The following QTGAL variants were observed in gnomAD, a reference collection of about 807,000 sequenced individuals.
QTGAL encodes BGnT-like protein 1.
At chr17:82,988,828 C>CTT in the QTGAL span, among the ~76,000 whole-genome samples, 1 of 152,050 alleles carries the variant, frequency 6.6e-6, no homozygotes, top group Non-Finnish European at 1.5e-5. Context: ...GTCAGAATGG[C>CTT]GATTTTTTAA....
the QTGAL span, among the ~76,000 whole-genome samples, chr17:82,961,604 C>T: frequency 6.6e-6 from 1 of 152,190 alleles, no homozygotes; most frequent in Non-Finnish European, 1.5e-5. Flanking sequence ...CTCAAAGTGC[C>T]GACTGTGGGC....
the QTGAL span, among the ~76,000 whole-genome samples, chr17:83,017,475 T>C: frequency 5.6e-4 from 85 of 151,658 alleles, no homozygotes; most frequent in Non-Finnish European, 1.2e-3. Context: ...AAAAAAAAAT[T>C]CACCGAGTAT....
the QTGAL span, chr17:82,946,885 G>A: frequency 6.3e-5 from 98 of 1,553,968 alleles, no homozygotes; most frequent in Non-Finnish European, 8.5e-5. Flanking sequence ...CCACCTGGGA[G>A]CAGCTGCCAT....
At chr17:82,969,279 C>T in the QTGAL span, among the ~76,000 whole-genome samples, 1 of 146,384 alleles carries the variant, frequency 6.8e-6, no homozygotes, top group Non-Finnish European at 1.5e-5. Flanking sequence ...TGTGCCTCGG[C>T]CATCGGAGTA....
chr17:83,013,845 T>C, the QTGAL span, among the ~76,000 whole-genome samples: 1 of 152,128 alleles, frequency 6.6e-6, no homozygotes. Flanking sequence ...CTTCTAAAAC[T>C]TGAGCGAGAT....
At chr17:82,963,509 T>C in the QTGAL span, among the ~76,000 whole-genome samples, 2 of 152,048 alleles carry the variant, frequency 1.3e-5, no homozygotes, top group African/African-American at 2.4e-5. Flanking sequence ...CCCTCTACAA[T>C]AGCAACAAAC....
At chr17:82,945,878 A>T in the QTGAL span, 10 of 152,264 alleles carry the variant, frequency 6.6e-5, no homozygotes, top group Non-Finnish European at 1.5e-4. Flanking sequence ...AGGAATGTGG[A>T]GCAAGGGAAG....
chr17:82,985,411 G>A, the QTGAL span, among the ~76,000 whole-genome samples: 1 of 152,170 alleles, frequency 6.6e-6, no homozygotes, highest in Non-Finnish European at 1.5e-5. Context: ...TCTCTTCTTT[G>A]AACTTCACAC....
At chr17:82,948,884 C>G in the QTGAL span, 1 of 152,328 alleles carries the variant, frequency 6.6e-6, no homozygotes, top group African/African-American at 2.4e-5. Flanking sequence ...TTAAATTTCA[C>G]AACCAGGAGT....
chr17:82,942,810 G>C, the QTGAL span: 1 of 399,150 alleles, frequency 2.5e-6, no homozygotes, highest in South Asian at 3.5e-5. Flanking sequence ...CCTGCCTGGA[G>C]ACCAGGCCCC....
the QTGAL span, among the ~76,000 whole-genome samples, chr17:82,983,006 C>T: frequency 5.3e-5 from 8 of 152,256 alleles, no homozygotes; most frequent in Admixed American, 1.3e-4. Flanking sequence ...TTTGGCTGGG[C>T]GCAGTGGCTC....
At chr17:83,005,477 C>T in the QTGAL span, 45 of 658,482 alleles carry the variant, frequency 6.8e-5, no homozygotes, top group Non-Finnish European at 1.2e-4. The surrounding 1 kb of genome is among the most constrained non-coding windows in gnomAD (Gnocchi z 5.6). Context: ...ACAGAGCTGC[C>T]CTGGGCTGGA....
At chr17:82,947,392 C>T in the QTGAL span, 203 of 183,852 alleles carry the variant, frequency 1.1e-3, 8 homozygotes, top group East Asian at 0.022. Context: ...AACTGCATCT[C>T]AGAACCATCA....
the QTGAL span, chr17:83,051,717 C>G: frequency 3.4e-6 from 5 of 1,479,222 alleles, no homozygotes; most frequent in South Asian, 2.6e-5. Flanking sequence ...CGGCGGGGCA[C>G]CCTCCCCGCT....
the QTGAL span, among the ~76,000 whole-genome samples, chr17:83,043,466 A>G: frequency 2.6e-5 from 4 of 152,230 alleles, no homozygotes; most frequent in African/African-American, 4.8e-5. Flanking sequence ...GAATATACTC[A>G]GAGACAAACG....
At chr17:82,974,849 A>G in the QTGAL span, among the ~76,000 whole-genome samples, 1 of 152,216 alleles carries the variant, frequency 6.6e-6, no homozygotes. Context: ...GGAAGCAGGC[A>G]AAGAACGTGG....
chr17:83,042,021 T>C, the QTGAL span, among the ~76,000 whole-genome samples: 1 of 150,942 alleles, frequency 6.6e-6, no homozygotes, highest in Non-Finnish European at 1.5e-5. Context: ...CAGGTAAATA[T>C]AAAAGATAGT....
the QTGAL span, among the ~76,000 whole-genome samples, chr17:83,004,755 C>T: frequency 4.7e-5 from 6 of 127,758 alleles, no homozygotes; most frequent in East Asian, 2.4e-4. Context: ...CCCGCCCTCC[C>T]ACCCTCCGCA....
chr17:82,957,107 G>A, the QTGAL span: 1 of 1,583,950 alleles, frequency 6.3e-7, no homozygotes, highest in South Asian at 1.1e-5. Context: ...CAAGGGGGAA[G>A]GCTCGGAGCA....
Sources: allele counts gnomAD v4.1 joint callset (sites outside exome capture counted in the v4.1 genomes callset), GRCh38; gene constraint gnomAD v4.1.1; non-coding constraint Gnocchi (gnomAD v3.1); transcripts MANE v1.5; gene names NCBI Gene and HGNC (gene_info 2026-07-23, HGNC 2026-07-21).